The following MECOM variants were observed in gnomAD, a reference collection of about 807,000 sequenced individuals.
The protein encoded by MECOM is histone-lysine N-methyltransferase MECOM.
MECOM carries 13 observed loss-of-function variants against 116.3 expected under a neutral mutation model. That is an observed-to-expected ratio of 0.11 (90% CI 0.07 to 0.18). The LOEUF (loss-of-function observed/expected upper bound fraction) is 0.18, where lower values mean the gene tolerates loss of function less well. MECOM is among the 10% of genes least tolerant of loss of function. The probability of loss-of-function intolerance (pLI) is 1.00; values close to 1 mark genes in which losing one functional copy is unlikely to be tolerated. For missense variants in MECOM, 1,299 were observed against 1,509.0 expected (o/e 0.86, Z 2.31); for synonymous variants, 528 against 535.2 (o/e 0.99, Z 0.19).
chr3:169,218,904 T>C (rs147586422), intron 2 of MECOM, among the ~76,000 whole-genome samples: 114 of 150,396 alleles, frequency 7.6e-4, no homozygotes, highest in African/African-American at 2.4e-3. Flanking sequence ...CAGAGAACTT[T>C]CTCTTTCTCC....
At chr3:169,355,688 TA>T (rs1396764337) in intron 2 of MECOM, among the ~76,000 whole-genome samples, 1 of 151,948 alleles carries the variant, frequency 6.6e-6, no homozygotes, top group Non-Finnish European at 1.5e-5. Flanking sequence ...TTTGCTCAAT[TA>T]ACTATTGTTT....
At chr3:169,107,899 A>G (rs1725972088) in intron 10 of MECOM, 27 bp downstream of exon 10, 1 of 1,601,342 alleles carries the variant, frequency 6.2e-7, no homozygotes, top group Non-Finnish European at 8.5e-7. Context: ...ACATCACTTT[A>G]GTCAAAAATA....
At chr3:169,434,687 A>G (rs192147089) in intron 1 of MECOM, among the ~76,000 whole-genome samples, 5 of 152,218 alleles carry the variant, frequency 3.3e-5, no homozygotes, top group African/African-American at 1.2e-4. Context: ...AGGTAGATGT[A>G]GTAAGGAAAA....
intron 1 of MECOM, among the ~76,000 whole-genome samples, chr3:169,496,818 C>T (rs1753871679): frequency 6.6e-6 from 1 of 152,108 alleles, no homozygotes; most frequent in Admixed American, 6.5e-5. Context: ...ATGGCTCTTT[C>T]TTGATTCTAT....
chr3:169,284,703 T>G (rs1054146800), intron 2 of MECOM, among the ~76,000 whole-genome samples: 5 of 151,952 alleles, frequency 3.3e-5, no homozygotes, highest in Admixed American at 2.0e-4. Context: ...TTGTAAAAAA[T>G]AAGGACATAG....
intron 1 of MECOM, among the ~76,000 whole-genome samples, chr3:169,437,647 T>C (rs1055598366): frequency 6.6e-6 from 1 of 152,086 alleles, no homozygotes; most frequent in African/African-American, 2.4e-5. Flanking sequence ...ACCCAGCAAA[T>C]AGGGGTAAAG....
intron 1 of MECOM, among the ~76,000 whole-genome samples, chr3:169,606,271 G>C (rs1768533618): frequency 6.6e-6 from 1 of 152,038 alleles, no homozygotes; most frequent in Non-Finnish European, 1.5e-5. Flanking sequence ...AAATTAGCCA[G>C]GTGTGGTGGT....
chr3:169,248,654 T>C (rs948285991), intron 2 of MECOM, among the ~76,000 whole-genome samples: 1 of 152,150 alleles, frequency 6.6e-6, no homozygotes, highest in African/African-American at 2.4e-5. Flanking sequence ...TATTTGGAGA[T>C]AGGACCTACA....
Position 169,093,085 on chromosome 3 carries a change from G to A in MECOM, c.3037C>T (p.Pro1013Ser), listed in dbSNP as rs1338042371. The change falls in exon 14 of 17, where the codon CCT (proline) becomes TCT (serine). Residue 1013 changes from proline (P) to serine (S), a missense_variant. Around this residue, in one of 6 missense-constraint regions of MECOM, gnomAD observed 273 missense variants for 289.3 expected, o/e 0.94. Coordinates refer to ENST00000651503, the MANE Select transcript of MECOM (RefSeq NM_004991.4). ...CCTGTACTTTCCAGTTCAGAATGAG[G>A]CGACGATGTTGCTGTACCTGTGTGG... ...GNMSGTATSS[P>S]HSELESTGAI... The A allele has an allele frequency of 6.2e-7, 1 of 1,611,880 alleles. No individual in the cohort carries two copies. The highest frequency in any genetic ancestry group is 8.5e-7 in the Non-Finnish European group (1 of 1,179,120).
chr3:169,519,018 C>A (rs1455278733), intron 1 of MECOM, among the ~76,000 whole-genome samples: 2 of 152,164 alleles, frequency 1.3e-5, no homozygotes, highest in Non-Finnish European at 2.9e-5. Context: ...TCTTTACCAG[C>A]AGCATGAAAA....
At chr3:169,452,143 G>T (rs925610110) in intron 1 of MECOM, among the ~76,000 whole-genome samples, 25 of 151,872 alleles carry the variant, frequency 1.6e-4, no homozygotes, top group African/African-American at 5.3e-4. Context: ...ATTCTCAGAT[G>T]CTTTGGTAAG....
intron 2 of MECOM, among the ~76,000 whole-genome samples, chr3:169,341,818 T>C (rs1428466991): frequency 6.6e-6 from 1 of 151,742 alleles, no homozygotes; most frequent in East Asian, 1.9e-4. Context: ...AATAACTTAA[T>C]TATAGATTTT....
At chr3:169,405,006 C>T (rs1393587810) in intron 1 of MECOM, among the ~76,000 whole-genome samples, 1 of 152,166 alleles carries the variant, frequency 6.6e-6, no homozygotes, top group African/African-American at 2.4e-5. Flanking sequence ...TATGATTTAG[C>T]CTTGAATGAA....
At chr3:169,182,128 C>T (rs935397594) in intron 2 of MECOM, among the ~76,000 whole-genome samples, 2 of 152,110 alleles carry the variant, frequency 1.3e-5, no homozygotes, top group African/African-American at 4.8e-5. Context: ...GAGATGTTTA[C>T]GATTAATTAC....
chr3:169,394,221 A>G (rs1734667874), intron 1 of MECOM, among the ~76,000 whole-genome samples: 1 of 152,238 alleles, frequency 6.6e-6, no homozygotes, highest in African/African-American at 2.4e-5. Context: ...TCATTTAGCC[A>G]ACAAGACTTC....
At chr3:169,223,955 A>G (rs182876062) in intron 2 of MECOM, among the ~76,000 whole-genome samples, 109 of 152,278 alleles carry the variant, frequency 7.2e-4, no homozygotes, top group African/African-American at 2.5e-3. Flanking sequence ...AACTCCTGCC[A>G]TTATTAAACC....
intron 2 of MECOM, among the ~76,000 whole-genome samples, chr3:169,178,780 T>C (rs1386492196): frequency 6.6e-6 from 1 of 152,238 alleles, no homozygotes; most frequent in Non-Finnish European, 1.5e-5. Flanking sequence ...CAACATCCAA[T>C]GTTTTATTGT....
chr3:169,133,746 A>G (rs1413959320), intron 3 of MECOM, among the ~76,000 whole-genome samples: 3 of 152,278 alleles, frequency 2.0e-5, no homozygotes, highest in Non-Finnish European at 1.5e-5. Context: ...TACACTGAGA[A>G]CAGTTCTTTT....
intron 2 of MECOM, among the ~76,000 whole-genome samples, chr3:169,363,795 C>T (rs1728717081): frequency 6.6e-6 from 1 of 151,760 alleles, no homozygotes; most frequent in South Asian, 2.1e-4. Context: ...AACAGCATCC[C>T]GGATCTCATT....
Sources: gnomAD v4.1 joint callset for allele counts (sites outside exome capture counted in the v4.1 genomes callset) on GRCh38, gnomAD v4.1.1 for gene constraint, gnomAD v4.1.1 regional missense constraint, MANE v1.5 for transcripts, NCBI Gene and HGNC (gene_info 2026-07-23, HGNC 2026-07-21) for gene names.